Variants in ANKFN1 observed in about 807,000 individuals in gnomAD.
ANKFN1 encodes ankyrin repeat and fibronectin type III domain containing 1, also known as ankyrin repeat and fibronectin type-III domain-containing protein 1.
In ANKFN1, 74 loss-of-function variants were observed where a neutral mutation model predicts 108.7. That is an observed-to-expected ratio of 0.68 (90% CI 0.56 to 0.83). The LOEUF (loss-of-function observed/expected upper bound fraction) is 0.83. Among genes scored for constraint, ANKFN1 ranks in the 40% least tolerant of loss-of-function variants. ANKFN1 has a pLI of 0.00. For missense variants in ANKFN1, 1,505 were observed against 1,382.3 expected (o/e 1.09, Z -1.41); for synonymous variants, 547 against 516.2 (o/e 1.06, Z -0.81).
Position 56,297,102 on chromosome 17 carries a change from C to T in ANKFN1, c.54-29119C>T, listed in dbSNP as rs373325705. ...AAAGAGAGTCACTGATTTTGGTGAA[C>T]TTTTGGGGAAAGGTAATGGATGAGA... On this transcript the variant is annotated intron_variant, in intron 3 of 20. Transcript: ENST00000682825. Among the ~76,000 whole-genome samples, 487 of 152,248 alleles carry T rather than the reference C, an allele frequency of 3.2e-3. 4 individuals carry two copies. Among genetic ancestry groups the T allele is most frequent in the Admixed American group, 6.9e-3 (106 of 15,294 alleles).
At chr17:56,063,296 G>C (rs982049325) in intron 4 of ANKFN1, among the ~76,000 whole-genome samples, 6 of 152,098 alleles carry the variant, frequency 3.9e-5, no homozygotes, top group Non-Finnish European at 8.8e-5. Flanking sequence ...ATATTGGCCT[G>C]TCTTGTTAGA....
intron 3 of ANKFN1, among the ~76,000 whole-genome samples, chr17:56,315,970 C>A (rs1050944299): frequency 6.6e-6 from 1 of 152,096 alleles, no homozygotes; most frequent in East Asian, 1.9e-4. Context: ...TTTGTTTTTC[C>A]TCCTCTGTTC....
chr17:56,080,740 A>G (rs544455932), intron 4 of ANKFN1, among the ~76,000 whole-genome samples: 76 of 152,288 alleles, frequency 5.0e-4, no homozygotes, highest in Middle Eastern at 3.4e-3. Context: ...ATTATGCTCT[A>G]TTGCCCCTTA....
chr17:56,418,477 G>C (rs2048305410), intron 8 of ANKFN1, among the ~76,000 whole-genome samples: 1 of 152,142 alleles, frequency 6.6e-6, no homozygotes, highest in Admixed American at 6.6e-5. Context: ...AAATGTTCAA[G>C]TCGATTTTCT....
At chr17:56,076,813 G>GA (rs1047376282) in intron 4 of ANKFN1, among the ~76,000 whole-genome samples, 1 of 151,712 alleles carries the variant, frequency 6.6e-6, no homozygotes, top group Non-Finnish European at 1.5e-5. Context: ...AGAAAGACAA[G>GA]AAAAAAAACT....
At chr17:56,386,021 C>T (rs1230449536) in intron 8 of ANKFN1, among the ~76,000 whole-genome samples, 4 of 152,192 alleles carry the variant, frequency 2.6e-5, no homozygotes, top group East Asian at 1.9e-4. Flanking sequence ...CACATGCACG[C>T]GTATGTTTAT....
rs138633745 is a variant in ANKFN1 at position 56,160,675 on chromosome 17, C to T, written c.-71+7145C>T. On this transcript the variant is annotated intron_variant, in intron 1 of 20. Transcript: ENST00000682825. ...TATAAGAGATGGGAGCTGCCGATTG[C>T]TTCCATTAAATTAGTCTAGGAGCCA... Among the ~76,000 whole-genome samples the T allele has an allele frequency of 5.0e-3, 755 of 152,302 alleles. 3 individuals are homozygous for T. The highest frequency in any genetic ancestry group is 0.014 in the African/African-American group (589 of 41,568).
At chr17:56,073,935 T>C (rs1453851294) in intron 4 of ANKFN1, among the ~76,000 whole-genome samples, 1 of 152,244 alleles carries the variant, frequency 6.6e-6, no homozygotes, top group Non-Finnish European at 1.5e-5. Flanking sequence ...TTCCACCTTT[T>C]GGAGATTGTG....
intron 4 of ANKFN1, among the ~76,000 whole-genome samples, chr17:56,336,143 C>T (rs577752396): frequency 1.1e-4 from 17 of 152,228 alleles, no homozygotes; most frequent in Admixed American, 6.5e-4. Context: ...ATTTTCGCAT[C>T]GATGTTCATC....
At chr17:56,338,994 G>A (rs918569434) in intron 4 of ANKFN1, among the ~76,000 whole-genome samples, 4 of 151,974 alleles carry the variant, frequency 2.6e-5, no homozygotes. Context: ...CCCATTGGGT[G>A]GGCAATATCA....
chr17:56,084,583 G>C (rs1302314483), intron 4 of ANKFN1, among the ~76,000 whole-genome samples: 1 of 151,320 alleles, frequency 6.6e-6, no homozygotes, highest in Non-Finnish European at 1.5e-5. Flanking sequence ...TTTCCACCGG[G>C]TAAGGGCCTG....
At chr17:56,348,636 T>C (rs983850755) in intron 4 of ANKFN1, among the ~76,000 whole-genome samples, 15 of 151,980 alleles carry the variant, frequency 9.9e-5, no homozygotes, top group East Asian at 1.9e-4. Flanking sequence ...ATGTGGCCAA[T>C]AAACATGCAA....
chr17:56,476,488 G>A (rs2050503818), intron 15 of ANKFN1, among the ~76,000 whole-genome samples: 1 of 152,098 alleles, frequency 6.6e-6, no homozygotes, highest in Non-Finnish European at 1.5e-5. Context: ...GCTGCTTTTG[G>A]AATATTATGA....
chr17:56,089,917 T>C (rs1325811447), intron 4 of ANKFN1, among the ~76,000 whole-genome samples: 1 of 151,380 alleles, frequency 6.6e-6, no homozygotes, highest in Non-Finnish European at 1.5e-5. Flanking sequence ...AAATGGCATC[T>C]ACTACCACCA....
chr17:56,267,878 C>A (rs111724134), intron 3 of ANKFN1, among the ~76,000 whole-genome samples: 1 of 151,928 alleles, frequency 6.6e-6, no homozygotes, highest in African/African-American at 2.4e-5. Flanking sequence ...GCTATTTGGG[C>A]TCTTTTTTGG....
In ANKFN1 at chr17:56,163,652, A is replaced by G. The variant is rs1244820133; in HGVS notation, c.-71+10122A>G. On this transcript the variant is annotated intron_variant, in intron 1 of 20. Transcript: ENST00000682825. ...AGCTTACTCCTGAAAGTTTAGAGGT[A>G]GTTTATGCTGTTGACATCTTTGTAG... is the stretch of plus-strand genomic sequence containing the variant. Among the ~76,000 whole-genome samples, 5 of 152,222 alleles carry G rather than the reference A, an allele frequency of 3.3e-5. No homozygotes were observed. In the East Asian group the frequency reaches 9.6e-4, roughly 29 times the overall value.
rs946230315 is a variant in ANKFN1, at chr17:56,458,351, C to T, written c.1557+372C>T. Among the ~76,000 whole-genome samples, 11 of 152,080 alleles carry T rather than the reference C, an allele frequency of 7.2e-5. No individual in the cohort carries two copies. The South Asian group carries it at 2.3e-3, about 32-fold the overall frequency. The stretch of plus-strand genomic sequence containing the variant: ...AAGTTTAATGAGATCTCTTGAAGGA[C>T]TGTTGCTGCTCTGCCGTCCTATGCA... On this transcript the variant is annotated intron_variant, in intron 14 of 20. Coordinates refer to ENST00000682825, the MANE Select transcript of ANKFN1 (RefSeq NM_001370326.1).
At chr17:56,430,501 C>CACAT (rs1491090505) in intron 8 of ANKFN1, among the ~76,000 whole-genome samples, 2 of 10,468 alleles carry the variant, frequency 1.9e-4, no homozygotes, top group Non-Finnish European at 6.4e-4. Context: ...ATGCTTTTAC[C>CACAT]ACACACACAC....
At chr17:56,291,032 G>A (rs2044349441) in intron 3 of ANKFN1, among the ~76,000 whole-genome samples, 1 of 152,120 alleles carries the variant, frequency 6.6e-6, no homozygotes, top group Admixed American at 6.6e-5. Flanking sequence ...TCAAAACCAT[G>A]TCCCTCAACT....
Sources: allele counts gnomAD v4.1 joint callset (sites outside exome capture counted in the v4.1 genomes callset), GRCh38; gene constraint gnomAD v4.1.1; transcripts MANE v1.5; gene names NCBI Gene and HGNC (gene_info 2026-07-23, HGNC 2026-07-21).